CD109: variants seen among roughly 807,000 people sequenced by gnomAD.
The protein encoded by CD109 is CD109 antigen.
In CD109, 149 loss-of-function variants were observed where a neutral mutation model predicts 165.8. The ratio of observed to expected loss-of-function variants is 0.90; its 90% CI spans 0.79 to 1.03. The LOEUF (loss-of-function observed/expected upper bound fraction) is 1.03, where lower values mean the gene tolerates loss of function less well. Among genes scored for constraint, CD109 ranks in the 50% least tolerant of loss-of-function variants. The pLI, the probability that CD109 is intolerant of heterozygous loss-of-function variation, is 0.00. For missense variants in CD109, 1,712 were observed against 1,677.8 expected, an observed-to-expected ratio of 1.02 and a Z score of -0.36; for synonymous variants, 585 against 592.1, an observed-to-expected ratio of 0.99 and a Z score of 0.18.
At chr6:73,797,027 T>A (rs1357160838) in intron 23 of CD109, among the ~76,000 whole-genome samples, 1 of 152,190 alleles carries the variant, frequency 6.6e-6, no homozygotes, top group Non-Finnish European at 1.5e-5. Context: ...TTTGCCAAAG[T>A]CCTTTAAATA....
intron 29 of CD109, 139 bp from the exon 30 acceptor site, chr6:73,814,837 GTTAAA>G (rs1231480793): frequency 2.1e-5 from 9 of 428,438 alleles, no homozygotes; most frequent in Non-Finnish European, 3.6e-5. Flanking sequence ...TTGTGAGCAA[GTTAAA>G]TTAATTTTTT....
Position 73,736,366 on chromosome 6 carries a change from T to C in CD109, c.508-17T>C, listed in dbSNP as rs199599985. The C allele has an allele frequency of 8.2e-4, 1,318 of 1,612,542 alleles. 18 individuals carry two copies. Among genetic ancestry groups the C allele is most frequent in the Middle Eastern group, 1.6e-4 (1 of 6,082 alleles). ...TGGGCAGCCTCTACATACTTACATG[T>C]CTGGTTTTCATTTTAGGACCCCAAA... On this transcript the variant is annotated splice_polypyrimidine_tract_variant and intron_variant, in intron 4 of 32. Transcript: ENST00000287097.
Position 73,787,433 on chromosome 6 carries a change from C to T in CD109, c.2537C>T (p.Thr846Ile). 2 of 1,610,880 alleles carry T rather than the reference C, an allele frequency of 1.2e-6. No individual in the cohort carries two copies. Among genetic ancestry groups the T allele is most frequent in the South Asian group, 1.1e-5 (1 of 90,722 alleles). The change falls in exon 21 of 33, where the codon ACC (threonine) becomes ATC (isoleucine). Residue 846 changes from threonine to isoleucine, a missense_variant. By Grantham distance (89) the Thr-to-Ile change is moderately conservative. Coordinates refer to ENST00000287097, the MANE Select transcript of CD109 (RefSeq NM_133493.5). ...TCACCCACTGCTTCTGATGCTGTCA[C>T]CCAGATGATTTTAGTAAAGGTAAAT... ...ALSPTASDAV[T>I]QMILVKAEGI...
In CD109 at chr6:73,768,177, G is replaced by A; in HGVS notation, c.1620G>A (p.Gly540=). 1.3e-6 allele frequency: 2 copies of A among 1,598,138 alleles called. No individual in the cohort carries two copies. Among genetic ancestry groups the A allele is most frequent in the Non-Finnish European group, 1.7e-6 (2 of 1,166,078 alleles). ...CVIVYYIEDD[G]EIISDVLKIP... ...TTGTGTATTATATTGAAGATGATGG[G>A]GAAATTATAAGTGATGTTCTAAAAA... The change falls in exon 14 of 33, where the codon GGG becomes GGA. Residue 540 remains glycine, a synonymous_variant. Coordinates refer to ENST00000287097, the MANE Select transcript of CD109 (RefSeq NM_133493.5).
chr6:73,746,728 G>A (rs1772997264), intron 5 of CD109, among the ~76,000 whole-genome samples: 1 of 152,078 alleles, frequency 6.6e-6, no homozygotes. Flanking sequence ...TCTGCTAACT[G>A]GAGGCTTGTA....
chr6:73,823,728 A>G lies in CD109; in HGVS notation c.*95A>G, dbSNP rs1776182479. ...GAAGAATACTGCTTCTATTTTGAAA[A>G]AAGAGTTTTTTTTCTTTCTATGGGG... On this transcript the variant is annotated 3_prime_UTR_variant, in exon 33 of 33. Coordinates refer to ENST00000287097, the MANE Select transcript of CD109 (RefSeq NM_133493.5). 9.6e-6 allele frequency: 12 copies of G among 1,250,956 alleles called. No individual in the cohort carries two copies. In the East Asian group the frequency reaches 2.8e-4, roughly 29 times the overall value. 77.5% of individuals were successfully genotyped at this position (1,250,956 alleles called of 1,614,324 possible). A position where few individuals can be genotyped will look rare whatever the true frequency, so the allele number is the denominator to read the frequency against.
chr6:73,780,466 G>C lies in CD109; in HGVS notation c.1870G>C (p.Gly624Arg). 1 of 1,608,852 alleles carries C rather than the reference G, an allele frequency of 6.2e-7. No homozygotes were observed. Among genetic ancestry groups the C allele is most frequent in the Non-Finnish European group, 8.5e-7 (1 of 1,176,266 alleles). The change falls in exon 16 of 33, where the codon GGC becomes CGC. Residue 624 changes from glycine (G) to arginine (R), a missense_variant. Physicochemically the swap from Gly to Arg is moderately radical, Grantham distance 125. Transcript: ENST00000287097. ...LELYNTGYYL[G>R]MFMNSFAVFQ... ...ACTTTATAACACAGGATATTATTTA[G>C]GCATGTTCATGAATTCTTTTGCAGT...
At chr6:73,699,858 GTTA>G (rs1351563691) in intron 2 of CD109, among the ~76,000 whole-genome samples, 2 of 152,212 alleles carry the variant, frequency 1.3e-5, no homozygotes, top group Non-Finnish European at 2.9e-5. Context: ...GAGGCTGGGA[GTTA>G]TTGTTCTCAG....
chr6:73,779,173 C>T (rs1483721155), intron 15 of CD109, among the ~76,000 whole-genome samples: 1 of 151,918 alleles, frequency 6.6e-6, no homozygotes, highest in Non-Finnish European at 1.5e-5. Flanking sequence ...TAATATTTGC[C>T]CTTTTGTGTC....
intron 15 of CD109, among the ~76,000 whole-genome samples, chr6:73,779,603 C>T (rs1774397464): frequency 6.6e-6 from 1 of 152,114 alleles, no homozygotes; most frequent in Non-Finnish European, 1.5e-5. Context: ...ATATATACCA[C>T]ATTTTGTTTA....
chr6:73,691,261 A>C (rs1313794245), upstream of CD109, among the ~76,000 whole-genome samples: 4 of 152,216 alleles, frequency 2.6e-5, no homozygotes, highest in Non-Finnish European at 5.9e-5. Flanking sequence ...TCCAATGTCC[A>C]TCTGATTGGG....
intron 32 of CD109, 147 bp from the exon 33 acceptor site, chr6:73,823,311 C>T (rs904261959): frequency 2.2e-5 from 14 of 633,708 alleles, no homozygotes; most frequent in Non-Finnish European, 3.2e-5. Context: ...CACTCTTGGA[C>T]ATTTCAGTTG....
At chr6:73,719,827 T>G (rs1771878076) in intron 2 of CD109, among the ~76,000 whole-genome samples, 1 of 152,218 alleles carries the variant, frequency 6.6e-6, no homozygotes, top group Non-Finnish European at 1.5e-5. Flanking sequence ...TTGTCTCTAT[T>G]TATGGTTCCT....
At chr6:73,718,532 G>T (rs2150164091) in intron 2 of CD109, among the ~76,000 whole-genome samples, 1 of 151,038 alleles carries the variant, frequency 6.6e-6, no homozygotes, top group African/African-American at 2.4e-5. Context: ...CCTTCATTCT[G>T]TTGATATGAT....
intron 23 of CD109, among the ~76,000 whole-genome samples, chr6:73,796,547 T>A (rs897987907): frequency 6.6e-6 from 1 of 152,216 alleles, no homozygotes; most frequent in African/African-American, 2.4e-5. Flanking sequence ...CTGTCCATCA[T>A]CTGTCCTGGC....
chr6:73,783,888 C>T, intron 19 of CD109, 64 bp downstream of exon 19: 1 of 866,906 alleles, frequency 1.2e-6, no homozygotes. Flanking sequence ...GCGTCAGCTC[C>T]TCAATTTTTT....
At chr6:73,804,287 C>G (rs1775488153) in intron 24 of CD109, among the ~76,000 whole-genome samples, 1 of 152,222 alleles carries the variant, frequency 6.6e-6, no homozygotes, top group South Asian at 2.1e-4. Flanking sequence ...CTTGGCCTGA[C>G]TCAGGATATA....
At chr6:73,686,414 G>A in the CD109 span, among the ~76,000 whole-genome samples, 5 of 152,138 alleles carry the variant, frequency 3.3e-5, no homozygotes, top group African/African-American at 1.2e-4. Context: ...TGTTTAATAC[G>A]TTCCTTCACA....
chr6:73,683,005 G>A, the CD109 span, among the ~76,000 whole-genome samples: 1 of 152,238 alleles, frequency 6.6e-6, no homozygotes, highest in African/African-American at 2.4e-5. Flanking sequence ...TTCCAGGCCT[G>A]TGATGGGAGG....
Sources: allele counts gnomAD v4.1 joint callset (sites outside exome capture counted in the v4.1 genomes callset), GRCh38; gene constraint gnomAD v4.1.1; transcripts MANE v1.5; gene names NCBI Gene and HGNC (gene_info 2026-07-23, HGNC 2026-07-21).